ABCC11: variants seen among roughly 807,000 people sequenced by gnomAD.
ABCC11 encodes ATP binding cassette subfamily C member 11, also known as ATP-binding cassette sub-family C member 11.
Under a neutral mutation model 149.3 loss-of-function variants are expected in ABCC11, and 135 were observed. That is an observed-to-expected ratio of 0.90 (90% CI 0.79 to 1.04). The LOEUF (loss-of-function observed/expected upper bound fraction) is 1.04, where lower values mean the gene tolerates loss of function less well. Ranked by LOEUF, ABCC11 falls within the 50% of genes least tolerant of loss-of-function variation. The probability of loss-of-function intolerance (pLI) is 0.00; values close to 1 mark genes in which losing one functional copy is unlikely to be tolerated. For missense variants in ABCC11, 1,680 were observed against 1,722.1 expected, an observed-to-expected ratio of 0.98 and a Z score of 0.43; for synonymous variants, 665 against 671.4, an observed-to-expected ratio of 0.99 and a Z score of 0.15.
intron 11 of ABCC11, chr16:48,209,821 C>T (rs1341658873): frequency 6.6e-6 from 1 of 151,922 alleles, no homozygotes; most frequent in African/African-American, 2.4e-5. Context: ...CCACTCGTAC[C>T]CCAAAAGCTA....
intron 19 of ABCC11, 130 bp from the exon 20 acceptor site, chr16:48,192,847 T>C (rs1269242466): frequency 1.3e-5 from 11 of 865,068 alleles, no homozygotes; most frequent in Non-Finnish European, 1.8e-5. Context: ...CAAACCTCCC[T>C]GCTCAGCGCT....
intron 28 of ABCC11, among the ~76,000 whole-genome samples, chr16:48,169,099 C>G (rs1965528083): frequency 6.6e-6 from 1 of 152,214 alleles, no homozygotes; most frequent in South Asian, 2.1e-4. Flanking sequence ...GGATCAGCAT[C>G]TGTCATCCAA....
intron 12 of ABCC11, among the ~76,000 whole-genome samples, chr16:48,206,625 G>C (rs530989985): frequency 6.6e-6 from 1 of 152,314 alleles, no homozygotes; most frequent in African/African-American, 2.4e-5. Flanking sequence ...TCCTTTATTA[G>C]AAGGAAAGTG....
intron 6 of ABCC11, among the ~76,000 whole-genome samples, chr16:48,218,808 T>C (rs564099137): frequency 2.2e-4 from 33 of 152,344 alleles, no homozygotes; most frequent in Admixed American, 1.2e-3. Context: ...CCCAGCCACG[T>C]GGAACTGTGA....
chr16:48,229,613 T>C (rs1337677445), intron 3 of ABCC11, among the ~76,000 whole-genome samples: 2 of 149,048 alleles, frequency 1.3e-5, no homozygotes, highest in Non-Finnish European at 3.0e-5. Context: ...TACAGGCGCC[T>C]GCCACCGCAC....
intron 24 of ABCC11, among the ~76,000 whole-genome samples, chr16:48,177,961 C>T (rs930260036): frequency 6.6e-6 from 1 of 152,164 alleles, no homozygotes; most frequent in African/African-American, 2.4e-5. Flanking sequence ...AAAATTGTTC[C>T]ATGATCCCAT....
intron 20 of ABCC11, among the ~76,000 whole-genome samples, chr16:48,191,937 A>G (rs1966957182): frequency 6.6e-6 from 1 of 152,182 alleles, no homozygotes; most frequent in Admixed American, 6.5e-5. Context: ...TATGTAACTA[A>G]CCTGCATGTG....
intron 26 of ABCC11, among the ~76,000 whole-genome samples, chr16:48,173,276 G>T (rs1965831771): frequency 6.6e-6 from 1 of 152,048 alleles, no homozygotes; most frequent in Non-Finnish European, 1.5e-5. Flanking sequence ...AGAAAGAGGT[G>T]GGGGGAAATA....
At chr16:48,172,145 C>T (rs1298957160) in intron 26 of ABCC11, among the ~76,000 whole-genome samples, 3 of 152,226 alleles carry the variant, frequency 2.0e-5, no homozygotes, top group Non-Finnish European at 1.5e-5. Context: ...TAGTATGTGT[C>T]CTTCTGTCTG....
intron 5 of ABCC11, 151 bp downstream of exon 5, chr16:48,224,131 C>T: frequency 9.5e-7 from 1 of 1,050,956 alleles, no homozygotes. Flanking sequence ...CCACCATGCT[C>T]TACTGTCCTC....
chr16:48,205,872 A>G (rs1968402172), intron 12 of ABCC11, among the ~76,000 whole-genome samples: 1 of 148,144 alleles, frequency 6.8e-6, no homozygotes, highest in Non-Finnish European at 1.5e-5. Context: ...GTGCAGTGGC[A>G]CGATTTCGGC....
At chr16:48,242,592 C>G (rs369507644) in intron 1 of ABCC11, among the ~76,000 whole-genome samples, 2 of 152,216 alleles carry the variant, frequency 1.3e-5, no homozygotes, top group African/African-American at 4.8e-5. Flanking sequence ...AAGACACACA[C>G]ACACGTATGC....
chr16:48,184,852 C>A (rs1703871343), intron 22 of ABCC11, among the ~76,000 whole-genome samples: 1 of 152,236 alleles, frequency 6.6e-6, no homozygotes, highest in African/African-American at 2.4e-5. Flanking sequence ...GCTGCTAAGG[C>A]CCATCCTTAG....
intron 1 of ABCC11, among the ~76,000 whole-genome samples, chr16:48,241,973 A>C (rs1484510779): frequency 6.6e-6 from 1 of 152,252 alleles, no homozygotes; most frequent in Non-Finnish European, 1.5e-5. Flanking sequence ...ATCATTCAGG[A>C]CATAAGCATG....
intron 13 of ABCC11, among the ~76,000 whole-genome samples, chr16:48,203,869 CA>C (rs1209355465): frequency 6.6e-6 from 1 of 151,734 alleles, no homozygotes; most frequent in African/African-American, 2.4e-5. Flanking sequence ...GACTCCGTCT[CA>C]AAAAAAAGCA....
In ABCC11 at chr16:48,170,297, G is replaced by A. The variant is rs147632257; in HGVS notation, c.3778-79C>T. Reference sequence around the variant, plus strand: ...CCCAACCTGACCTTGTCAATCTTCCGCTGTATTGGCAACACTGCCCTCCTC... The same window carrying A: ...CCCAACCTGACCTTGTCAATCTTCCACTGTATTGGCAACACTGCCCTCCTC... On this transcript the variant is annotated intron_variant, in intron 27 of 29. Transcript: ENST00000356608. 221 of 1,100,532 alleles carry A rather than the reference G, an allele frequency of 2.0e-4. 2 individuals carry two copies. The African/African-American group carries it at 2.6e-3, about 13-fold the overall frequency. 68.2% of individuals were successfully genotyped at this position (1,100,532 alleles called of 1,614,324 possible).
At chr16:48,239,917 G>GA (rs1970877470) in intron 1 of ABCC11, among the ~76,000 whole-genome samples, 1 of 152,100 alleles carries the variant, frequency 6.6e-6, no homozygotes, top group Non-Finnish European at 1.5e-5. Context: ...CAACAAACAT[G>GA]AAAAAAAGCT....
intron 23 of ABCC11, among the ~76,000 whole-genome samples, chr16:48,182,652 G>A (rs189981680): frequency 1.4e-3 from 211 of 152,000 alleles, no homozygotes; most frequent in Admixed American, 2.6e-3. Context: ...GCATGGTGGC[G>A]GGCCCCTGTA....
chr16:48,189,409 T>C (rs1380791248), intron 20 of ABCC11, among the ~76,000 whole-genome samples: 1 of 152,126 alleles, frequency 6.6e-6, no homozygotes, highest in Non-Finnish European at 1.5e-5. Context: ...TCTGGGGTTG[T>C]TCTTGTTTGT....
Sources: gnomAD v4.1 joint callset for allele counts (sites outside exome capture counted in the v4.1 genomes callset) on GRCh38, gnomAD v4.1.1 for gene constraint, MANE v1.5 for transcripts, NCBI Gene and HGNC (gene_info 2026-07-23, HGNC 2026-07-21) for gene names.